The following HTR1E variants were observed in gnomAD, a reference collection of about 807,000 sequenced individuals.
The protein encoded by HTR1E is 5-HT-1E.
A neutral mutation model predicts 3.4 loss-of-function variants in HTR1E; 3 were observed. The observed-to-expected ratio is 0.89, with a 90% confidence interval of 0.41 to 2.31. The LOEUF (loss-of-function observed/expected upper bound fraction) is 2.31. HTR1E is among the 30% of genes most tolerant of loss of function. The probability of loss-of-function intolerance (pLI) is 0.05; values close to 1 mark genes in which losing one functional copy is unlikely to be tolerated. For missense variants in HTR1E, 392 were observed against 467.0 expected (o/e 0.84, Z 1.48); for synonymous variants, 170 against 182.8 (o/e 0.93, Z 0.56).
chr6:86,955,729 A>AGT (rs112796465), intron 1 of HTR1E, among the ~76,000 whole-genome samples: 21,356 of 150,198 alleles, frequency 0.14, 1,763 homozygotes, highest in African/African-American at 0.23. Context: ...TGAGTGAGAG[A>AGT]GAGTGTGTGT....
intron 1 of HTR1E, among the ~76,000 whole-genome samples, chr6:86,967,915 T>A (rs1445379816): frequency 6.6e-6 from 1 of 152,002 alleles, no homozygotes; most frequent in Non-Finnish European, 1.5e-5. Flanking sequence ...AGGGGAGAGT[T>A]TTTTTGGATA....
intron 1 of HTR1E, among the ~76,000 whole-genome samples, chr6:86,995,295 TA>T (rs1767920356): frequency 7.0e-6 from 1 of 143,580 alleles, no homozygotes; most frequent in Non-Finnish European, 1.5e-5. Flanking sequence ...TATAATATAA[TA>T]AATAAATAAA....
At chr6:87,002,719 A>T (rs1768043439) in intron 1 of HTR1E, among the ~76,000 whole-genome samples, 1 of 152,174 alleles carries the variant, frequency 6.6e-6, no homozygotes, top group African/African-American at 2.4e-5. Flanking sequence ...CAGAGTGCTG[A>T]TTGGTGGGTT....
intron 1 of HTR1E, among the ~76,000 whole-genome samples, chr6:87,000,797 C>A (rs2127830157): frequency 6.6e-6 from 1 of 152,244 alleles, no homozygotes; most frequent in East Asian, 1.9e-4. Context: ...AATAATAAAT[C>A]ATCTGAATGT....
In HTR1E at chr6:86,972,188, T is replaced by C. The variant is rs541207831; in HGVS notation, c.-186+34365T>C. On this transcript the variant is annotated intron_variant, in intron 1 of 1. Coordinates refer to ENST00000305344, the MANE Select transcript of HTR1E (RefSeq NM_000865.3). Reference sequence around the variant, plus strand: ...TCATGTTTCAATTGCCATCTTAAAATAGCACAAATAATGGCTGAAACATTA... The same window carrying C: ...TCATGTTTCAATTGCCATCTTAAAACAGCACAAATAATGGCTGAAACATTA... Among the ~76,000 whole-genome samples the C allele has an allele frequency of 9.1e-4, 139 of 152,338 alleles. 2 individuals are homozygous for C. The highest frequency in any genetic ancestry group is 3.2e-3 in the African/African-American group (135 of 41,584).
At chr6:87,013,034 A>G (rs1002678967) in intron 1 of HTR1E, among the ~76,000 whole-genome samples, 2 of 152,228 alleles carry the variant, frequency 1.3e-5, no homozygotes, top group Non-Finnish European at 2.9e-5. Context: ...TCCAAAATAT[A>G]AAACCCTCTT....
chr6:86,947,475 A>T (rs1418755684), intron 1 of HTR1E, among the ~76,000 whole-genome samples: 1 of 152,086 alleles, frequency 6.6e-6, no homozygotes, highest in Non-Finnish European at 1.5e-5. Flanking sequence ...TTTCCTGCTT[A>T]TAAGTATATC....
chr6:87,006,038 T>C (rs1768101806), intron 1 of HTR1E, among the ~76,000 whole-genome samples: 1 of 152,168 alleles, frequency 6.6e-6, no homozygotes, highest in Non-Finnish European at 1.5e-5. Flanking sequence ...GATATCATCT[T>C]ACCCAAGTTA....
chr6:86,962,694 C>T (rs1265476032), intron 1 of HTR1E, among the ~76,000 whole-genome samples: 3 of 151,882 alleles, frequency 2.0e-5, no homozygotes, highest in African/African-American at 7.3e-5. Context: ...AAAAGTTAGC[C>T]GGGTGTAGTG....
chr6:86,997,715 G>A (rs980752168), intron 1 of HTR1E, among the ~76,000 whole-genome samples: 11 of 151,626 alleles, frequency 7.3e-5, no homozygotes, highest in Admixed American at 5.3e-4. Context: ...TAGAAAATAA[G>A]TTAAAAGATG....
intron 1 of HTR1E, among the ~76,000 whole-genome samples, chr6:86,962,619 C>G (rs977483087): frequency 2.0e-5 from 3 of 152,184 alleles, no homozygotes; most frequent in African/African-American, 7.2e-5. Context: ...GGGCAGATCA[C>G]TTGAGGCCAG....
At position 87,016,261 on chromosome 6, in the gene HTR1E, CAA is replaced by C. The variant is rs1205719418; in HGVS notation, c.929_930del (p.Lys310ArgfsTer38). 6 of 1,613,272 alleles carry C rather than the reference CAA, an allele frequency of 3.7e-6. No individual in the cohort carries two copies. Among genetic ancestry groups the C allele is most frequent in the Non-Finnish European group, 5.1e-6 (6 of 1,179,710 alleles). ...FILSWLPFFI[K>X]ELIVGLSIYT... ...TTTTATCCTGGCTGCCATTTTTCAT[CAA>C]AGAGTTGATTGTGGGTCTGAGCATC... On this transcript the variant is annotated frameshift_variant, in exon 2 of 2. Coordinates refer to ENST00000305344, the MANE Select transcript of HTR1E (RefSeq NM_000865.3). LOFTEE classifies it high-confidence loss of function.
chr6:86,993,381 C>T (rs1767896014), intron 1 of HTR1E, among the ~76,000 whole-genome samples: 1 of 151,984 alleles, frequency 6.6e-6, no homozygotes, highest in African/African-American at 2.4e-5. Flanking sequence ...GTTAAAGAAA[C>T]CTTGGGAAAA....
At chr6:87,010,480 C>A (rs1389088753) in intron 1 of HTR1E, among the ~76,000 whole-genome samples, 2 of 148,712 alleles carry the variant, frequency 1.3e-5, no homozygotes, top group East Asian at 2.0e-4. Context: ...GGGTCTCGGC[C>A]GGGCAGAGGC....
rs370964918 is a variant in HTR1E, at chr6:86,988,767, A to C, written c.-185-26383A>C. 5.9e-5 allele frequency among the ~76,000 whole-genome samples: 9 copies of C among 152,290 alleles called. No individual in the cohort carries two copies. In the East Asian group the frequency reaches 1.4e-3, roughly 23 times the overall value. ...CATGCATAAATGTGAGAAACCACAC[A>C]CCACTTCTTCTCCTGTTTGGTGAAA... is the stretch of plus-strand genomic sequence containing the variant. On this transcript the variant is annotated intron_variant, in intron 1 of 1. Transcript: ENST00000305344.
intron 1 of HTR1E, among the ~76,000 whole-genome samples, chr6:86,996,353 T>C (rs186535654): frequency 3.0e-4 from 45 of 152,220 alleles, no homozygotes; most frequent in Admixed American, 9.8e-4. Context: ...TTCTAAATAA[T>C]TAATATGCCA....
chr6:86,981,476 G>A (rs562312247), intron 1 of HTR1E, among the ~76,000 whole-genome samples: 4 of 152,290 alleles, frequency 2.6e-5, no homozygotes, highest in Admixed American at 1.3e-4. Flanking sequence ...CCACAAAGCT[G>A]TGAGAAAGGA....
At chr6:87,002,313 G>A (rs1391621535) in intron 1 of HTR1E, among the ~76,000 whole-genome samples, 3 of 152,200 alleles carry the variant, frequency 2.0e-5, no homozygotes, top group African/African-American at 2.4e-5. Context: ...ACTTGGTGGC[G>A]AGTGTTACAG....
intron 1 of HTR1E, among the ~76,000 whole-genome samples, chr6:87,014,773 G>A (rs1768291843): frequency 6.6e-6 from 1 of 152,210 alleles, no homozygotes; most frequent in East Asian, 1.9e-4. Context: ...ATGGGCACAG[G>A]GCCGGGAACA....
Sources: gnomAD v4.1 joint callset for allele counts (sites outside exome capture counted in the v4.1 genomes callset) on GRCh38, gnomAD v4.1.1 for gene constraint, MANE v1.5 for transcripts, NCBI Gene and HGNC (gene_info 2026-07-23, HGNC 2026-07-21) for gene names.